The following PTPRD variants were observed in gnomAD, a reference collection of about 807,000 sequenced individuals.
The protein encoded by PTPRD is receptor-type tyrosine-protein phosphatase delta.
Under a neutral mutation model 214.5 loss-of-function variants are expected in PTPRD, and 34 were observed. That is an observed-to-expected ratio of 0.16 (90% CI 0.12 to 0.21). PTPRD has a LOEUF of 0.21. PTPRD is among the 10% of genes least tolerant of loss of function. The pLI is 1.00. For missense variants in PTPRD, 2,545 were observed against 2,398.7 expected (o/e 1.06, Z -1.27); for synonymous variants, 1,128 against 845.7 (o/e 1.33, Z -5.79).
At chr9:9,311,509 T>C (rs189600280) in intron 9 of PTPRD, among the ~76,000 whole-genome samples, 10 of 152,312 alleles carry the variant, frequency 6.6e-5, no homozygotes, top group Non-Finnish European at 1.3e-4. Flanking sequence ...CTAATAATCC[T>C]GAATTACATT....
intron 11 of PTPRD, among the ~76,000 whole-genome samples, chr9:8,952,925 G>C (rs1200113326): frequency 6.7e-6 from 1 of 150,264 alleles, no homozygotes; most frequent in Non-Finnish European, 1.5e-5. Flanking sequence ...TCTTTCACTG[G>C]CTTCTGTCCA....
intron 4 of PTPRD, among the ~76,000 whole-genome samples, chr9:10,029,903 T>A (rs1288532941): frequency 2.0e-5 from 3 of 152,134 alleles, no homozygotes; most frequent in Non-Finnish European, 4.4e-5. Context: ...TCATCTTGAA[T>A]TTCCATGTGT....
intron 14 of PTPRD, among the ~76,000 whole-genome samples, chr9:8,604,303 G>T (rs1273862421): frequency 6.6e-6 from 1 of 152,182 alleles, no homozygotes; most frequent in South Asian, 2.1e-4. Flanking sequence ...AAAATAGCCA[G>T]GGAAGTAATA....
intron 7 of PTPRD, among the ~76,000 whole-genome samples, chr9:9,625,887 C>G (rs886068552): frequency 6.6e-6 from 1 of 152,094 alleles, no homozygotes; most frequent in African/African-American, 2.4e-5. Flanking sequence ...AGGTTTTTCT[C>G]TAGAGCAGGA....
intron 3 of PTPRD, among the ~76,000 whole-genome samples, chr9:10,279,477 A>G (rs1002351987): frequency 2.0e-5 from 3 of 151,994 alleles, no homozygotes; most frequent in African/African-American, 7.3e-5. Flanking sequence ...ACCTACTGTA[A>G]TCTTTCTTCC....
At chr9:9,432,595 T>C (rs1353533691) in intron 8 of PTPRD, among the ~76,000 whole-genome samples, 1 of 152,130 alleles carries the variant, frequency 6.6e-6, no homozygotes, top group Non-Finnish European at 1.5e-5. Flanking sequence ...TTGAATCACA[T>C]TGAAAAATAA....
intron 8 of PTPRD, among the ~76,000 whole-genome samples, chr9:9,545,188 C>A (rs114184096): frequency 2.0e-5 from 3 of 151,718 alleles, no homozygotes; most frequent in Non-Finnish European, 4.4e-5. Flanking sequence ...TCACTCTATG[C>A]ATGAGTTCAA....
At chr9:10,271,631 C>G (rs575893912) in intron 3 of PTPRD, among the ~76,000 whole-genome samples, 3 of 151,586 alleles carry the variant, frequency 2.0e-5, no homozygotes, top group Non-Finnish European at 4.4e-5. Flanking sequence ...CAACCTCCGC[C>G]TCCCAGGTTC....
At chr9:9,566,706 A>G (rs1047075145) in intron 8 of PTPRD, among the ~76,000 whole-genome samples, 19 of 152,102 alleles carry the variant, frequency 1.2e-4, no homozygotes, top group Admixed American at 9.9e-4. Flanking sequence ...TAGTGGGGTC[A>G]TAACTAATTA....
intron 3 of PTPRD, among the ~76,000 whole-genome samples, chr9:10,240,605 A>G (rs945397674): frequency 1.3e-5 from 2 of 152,018 alleles, no homozygotes; most frequent in African/African-American, 4.8e-5. Flanking sequence ...CACAATTTTA[A>G]GAAGTGTATA....
At chr9:9,726,486 G>C in intron 7 of PTPRD, among the ~76,000 whole-genome samples, 1 of 152,034 alleles carries the variant, frequency 6.6e-6, no homozygotes, top group South Asian at 2.1e-4. Flanking sequence ...ACTTACCATT[G>C]TTCAGTGCTT....
At chr9:9,776,765 G>A (rs949088592) in intron 5 of PTPRD, among the ~76,000 whole-genome samples, 1 of 151,922 alleles carries the variant, frequency 6.6e-6, no homozygotes, top group African/African-American at 2.4e-5. Context: ...GAAAACAAAA[G>A]GAAGATCAAT....
At chr9:8,571,474 G>A (rs2091129935) in intron 14 of PTPRD, among the ~76,000 whole-genome samples, 1 of 152,064 alleles carries the variant, frequency 6.6e-6, no homozygotes, top group African/African-American at 2.4e-5. Flanking sequence ...AATCATCCAT[G>A]ACAATTTGGC....
At chr9:10,235,926 C>T (rs1053759872) in intron 3 of PTPRD, among the ~76,000 whole-genome samples, 1 of 151,906 alleles carries the variant, frequency 6.6e-6, no homozygotes, top group African/African-American at 2.4e-5. Context: ...TAGTGCATTC[C>T]AGAACCTCAG....
In PTPRD at chr9:10,492,760, T is replaced by C. The variant is rs145147350; in HGVS notation, c.-600+119638A>G. On this transcript the variant is annotated intron_variant, in intron 2 of 45. Transcript: ENST00000381196. Reference sequence around the variant, plus strand: ...ATTTTGGCTTTTGTTGCCATTGCTTTTGGTGTTATTCATGAAGTCTATGCC... The same window carrying C: ...ATTTTGGCTTTTGTTGCCATTGCTTCTGGTGTTATTCATGAAGTCTATGCC... Among the ~76,000 whole-genome samples the C allele has an allele frequency of 9.6e-3, 1,464 of 152,284 alleles. 24 individuals are homozygous for C. Among genetic ancestry groups the C allele is most frequent in the African/African-American group, 0.033 (1,353 of 41,566 alleles).
At chr9:8,684,906 C>G (rs1382783954) in intron 12 of PTPRD, among the ~76,000 whole-genome samples, 1 of 152,092 alleles carries the variant, frequency 6.6e-6, no homozygotes, top group Non-Finnish European at 1.5e-5. Flanking sequence ...ACAATATTCA[C>G]AAACTTCACA....
intron 9 of PTPRD, among the ~76,000 whole-genome samples, chr9:9,260,429 T>G (rs1024776913): frequency 6.6e-6 from 1 of 151,924 alleles, no homozygotes; most frequent in Non-Finnish European, 1.5e-5. Flanking sequence ...TTACCTTTGC[T>G]TGAGGGAAAA....
At chr9:8,750,343 C>T (rs10977276) in intron 11 of PTPRD, among the ~76,000 whole-genome samples, 93,850 of 151,440 alleles carry the variant, frequency 0.62, 29,738 homozygotes, top group Middle Eastern at 0.73. Flanking sequence ...TTTTTAGTAG[C>T]GACAGGGTTT....
At position 10,187,154 on chromosome 9, in the gene PTPRD, T is replaced by A. The variant is rs190452780; in HGVS notation, c.-544-153364A>T. On this transcript the variant is annotated intron_variant, in intron 3 of 45. Transcript: ENST00000381196. ...AAACTTCTTAATTTGATTGCCTGAT[T>A]TTTTATATCTTTCATGGTTAAAATG... 1.2e-3 allele frequency among the ~76,000 whole-genome samples: 188 copies of A among 152,322 alleles called. 1 individual carries two copies. The Middle Eastern group carries it at 0.027, about 22-fold the overall frequency.
Sources: allele counts gnomAD v4.1 joint callset (sites outside exome capture counted in the v4.1 genomes callset), GRCh38; gene constraint gnomAD v4.1.1; transcripts MANE v1.5; gene names NCBI Gene and HGNC (gene_info 2026-07-23, HGNC 2026-07-21).